Variants in KCNJ5 observed in about 807,000 individuals in gnomAD.
The protein encoded by KCNJ5 is potassium inwardly rectifying channel subfamily J member 5, also known as G protein-activated inward rectifier potassium channel 4.
Under a neutral mutation model 20.2 loss-of-function variants are expected in KCNJ5, and 12 were observed. That is an observed-to-expected ratio of 0.59 (90% CI 0.38 to 0.96). The LOEUF is 0.96. Ranked by LOEUF, KCNJ5 falls within the 40% of genes least tolerant of loss-of-function variation. KCNJ5 has a pLI of 0.00. For missense variants in KCNJ5, 449 were observed against 557.6 expected (o/e 0.81, Z 1.96); for synonymous variants, 210 against 213.9 (o/e 0.98, Z 0.16).
At chr11:128,905,166 C>A (rs1393757120) in intron 1 of KCNJ5, among the ~76,000 whole-genome samples, 1 of 152,224 alleles carries the variant, frequency 6.6e-6, no homozygotes, top group Admixed American at 6.5e-5. Context: ...GAGAGACCCG[C>A]TGGCGGGGAG....
chr11:128,918,846 G>T lies in KCNJ5; in HGVS notation c.*2115G>T, dbSNP rs1249496039. On this transcript the variant is annotated 3_prime_UTR_variant, in exon 3 of 3. Coordinates refer to ENST00000529694, the MANE Select transcript of KCNJ5 (RefSeq NM_000890.5). ...GGTGGGCAGGGTCTTCCCACCAGTG[G>T]CAGGGTGTGCAGTTGTGGTCCCAAG... 2 of 152,406 alleles carry T rather than the reference G, an allele frequency of 1.3e-5. No individual in the cohort carries two copies. Among genetic ancestry groups the T allele is most frequent in the Non-Finnish European group, 2.9e-5 (2 of 68,200 alleles). The allele number at this position is 152,406 out of a possible 1,614,324, so 9.4% of individuals were successfully genotyped here. A position where few individuals can be genotyped will look rare whatever the true frequency, so the allele number is the denominator to read the frequency against.
chr11:128,901,602 C>G (rs1944279919), intron 1 of KCNJ5: 1 of 152,290 alleles, frequency 6.6e-6, no homozygotes, highest in Non-Finnish European at 1.5e-5. Flanking sequence ...CACTGAGTGA[C>G]TCTGGGAGCA....
intron 1 of KCNJ5, among the ~76,000 whole-genome samples, chr11:128,909,159 G>A (rs1944465646): frequency 1.3e-5 from 2 of 152,180 alleles, no homozygotes; most frequent in South Asian, 4.1e-4. Context: ...GGCAGCACAG[G>A]AAAAGGCCTG....
At chr11:128,903,348 A>G in intron 1 of KCNJ5, 1 of 1,613,744 alleles carries the variant, frequency 6.2e-7, no homozygotes, top group Non-Finnish European at 8.5e-7. Context: ...GAAGAACGCG[A>G]TCCGGCAGCT....
chr11:128,896,342 A>C (rs1944176506), intron 1 of KCNJ5, among the ~76,000 whole-genome samples: 1 of 140,408 alleles, frequency 7.1e-6, no homozygotes, highest in East Asian at 3.4e-4. Flanking sequence ...AAACTGTAGT[A>C]CACTATCAAA....
intron 1 of KCNJ5, among the ~76,000 whole-genome samples, chr11:128,894,190 T>G (rs1944137015): frequency 6.6e-6 from 1 of 152,180 alleles, no homozygotes; most frequent in African/African-American, 2.4e-5. Context: ...ATTGTTTTTT[T>G]TTTTTTTCTT....
intron 1 of KCNJ5, among the ~76,000 whole-genome samples, chr11:128,906,407 G>C (rs1219437218): frequency 2.0e-5 from 3 of 152,160 alleles, no homozygotes; most frequent in Admixed American, 2.0e-4. Context: ...CCACTTATCA[G>C]CTCACAGTTC....
Position 128,896,514 on chromosome 11 carries a change from A to G in KCNJ5, c.-11+4793A>G, listed in dbSNP as rs536109300. 4.6e-5 allele frequency among the ~76,000 whole-genome samples: 7 copies of G among 152,282 alleles called. No individual in the cohort carries two copies. In the South Asian group the frequency reaches 1.5e-3, roughly 32 times the overall value. ...ATCTCAAGAATGTTATGTAAGTAGA[A>G]TTATACAGTATGTAATCTTTTGGGA... On this transcript the variant is annotated intron_variant, in intron 1 of 2. Coordinates refer to ENST00000529694, the MANE Select transcript of KCNJ5 (RefSeq NM_000890.5).
chr11:128,912,058 A>G lies in KCNJ5; in HGVS notation c.785A>G (p.Asp262Gly). The change falls in exon 2 of 3, where the codon GAC (aspartate) becomes GGC (glycine). Residue 262 changes from aspartate to glycine, a missense_variant. Transcript: ENST00000529694. ...CAGACAGACATCAACGTGGGCTTTG[A>G]CACGGGCGACGACCGCCTCTTCCTT... ...LNQTDINVGF[D>G]TGDDRLFLVS... The G allele has an allele frequency of 6.2e-7, 1 of 1,613,970 alleles. No individual in the cohort carries two copies. Among genetic ancestry groups the G allele is most frequent in the Non-Finnish European group, 8.5e-7 (1 of 1,179,994 alleles).
chr11:128,894,746 G>A (rs116546107), intron 1 of KCNJ5, among the ~76,000 whole-genome samples: 365 of 152,332 alleles, frequency 2.4e-3, no homozygotes, highest in African/African-American at 6.0e-3. Context: ...CAGGGCTGGC[G>A]TGAGCGGCTG....
chr11:128,894,603 A>C (rs1448460316), intron 1 of KCNJ5, among the ~76,000 whole-genome samples: 2 of 152,260 alleles, frequency 1.3e-5, no homozygotes, highest in African/African-American at 4.8e-5. Flanking sequence ...TGGGAGTTCC[A>C]GTTCAAAAGA....
In KCNJ5 at chr11:128,916,561, G is replaced by A; in HGVS notation, c.1090G>A (p.Ala364Thr). ...TYETNTPSCCAKELAEMKREG... is the reference protein window; with the variant it reads ...TYETNTPSCCTKELAEMKREG... ...TGAGACCAACACACCCAGCTGCTGT[G>A]CCAAGGAGCTGGCAGAAATGAAGAG... Residue 364 changes from alanine (A) to threonine (T), a missense_variant, in exon 3 of 3, where the codon GCC becomes ACC. This residue lies in a region of KCNJ5 where 34 missense variants were observed against 63.8 expected (regional missense o/e 0.53). Transcript: ENST00000529694. 1 of 1,614,138 alleles carries A rather than the reference G, an allele frequency of 6.2e-7. No homozygotes were observed. Among genetic ancestry groups the A allele is most frequent in the Non-Finnish European group, 8.5e-7 (1 of 1,180,022 alleles).
intron 1 of KCNJ5, among the ~76,000 whole-genome samples, chr11:128,903,124 C>G (rs11221506): frequency 0.022 from 3,274 of 152,242 alleles, 108 homozygotes; most frequent in African/African-American, 0.071. Context: ...CCCACCACCC[C>G]CTACCATGTC....
rs1259471738 is a variant in KCNJ5 at position 128,918,394 on chromosome 11, G to T, written c.*1663G>T. The T allele has an allele frequency of 6.6e-6, 1 of 152,346 alleles. No individual in the cohort carries two copies. Among genetic ancestry groups the T allele is most frequent in the Non-Finnish European group, 1.5e-5 (1 of 68,130 alleles). 9.4% of individuals were successfully genotyped at this position (152,346 alleles called of 1,614,324 possible). Reference sequence around the variant, plus strand: ...GCAACTTCCAGGGCTTTTCTGATCTGGAGGCCCAAGAGCAAGGGTGGAGGG... The same window carrying T: ...GCAACTTCCAGGGCTTTTCTGATCTTGAGGCCCAAGAGCAAGGGTGGAGGG... On this transcript the variant is annotated 3_prime_UTR_variant, in exon 3 of 3. Coordinates refer to ENST00000529694, the MANE Select transcript of KCNJ5 (RefSeq NM_000890.5).
chr11:128,906,687 G>A (rs1020009237), intron 1 of KCNJ5, among the ~76,000 whole-genome samples: 1 of 152,170 alleles, frequency 6.6e-6, no homozygotes, highest in Non-Finnish European at 1.5e-5. Flanking sequence ...ACCAGCAAAG[G>A]AGAAGCCCCC....
At chr11:128,912,975 C>A (rs905589238) in intron 2 of KCNJ5, among the ~76,000 whole-genome samples, 6 of 152,210 alleles carry the variant, frequency 3.9e-5, no homozygotes, top group Non-Finnish European at 7.3e-5. Context: ...CTTCTTGGAA[C>A]AAGTGTTCTA....
intron 1 of KCNJ5, chr11:128,904,534 C>A (rs1944360627): frequency 7.2e-7 from 1 of 1,387,046 alleles, no homozygotes; most frequent in Non-Finnish European, 1.0e-6. Flanking sequence ...TCGTGCTACT[C>A]AGGTGTGCAC....
At chr11:128,892,200 G>GC (rs1025299586) in intron 1 of KCNJ5, among the ~76,000 whole-genome samples, 4 of 152,184 alleles carry the variant, frequency 2.6e-5, no homozygotes, top group Non-Finnish European at 5.9e-5. Flanking sequence ...TGTGATTTCT[G>GC]CCCCCCTCGC....
At chr11:128,903,472 G>A in intron 1 of KCNJ5, 6 of 1,614,182 alleles carry the variant, frequency 3.7e-6, no homozygotes, top group Non-Finnish European at 5.1e-6. Context: ...ATTCCAGAGT[G>A]AGGAGGTGTT....
Sources: allele counts gnomAD v4.1 joint callset (sites outside exome capture counted in the v4.1 genomes callset), GRCh38; gene constraint gnomAD v4.1.1; regional missense constraint gnomAD v4.1.1; transcripts MANE v1.5; gene names NCBI Gene and HGNC (gene_info 2026-07-23, HGNC 2026-07-21).